Variants in USP34 observed in about 807,000 individuals in gnomAD.
USP34 encodes the protein ubiquitin specific peptidase 34, also known as ubiquitin carboxyl-terminal hydrolase 34.
A neutral mutation model predicts 460.3 loss-of-function variants in USP34; 70 were observed. That is an observed-to-expected ratio of 0.15 (90% CI 0.13 to 0.19). USP34 has a LOEUF of 0.19. Among genes scored for constraint, USP34 ranks in the 10% least tolerant of loss-of-function variants. The pLI, the probability that USP34 is intolerant of heterozygous loss-of-function variation, is 1.00. For missense variants in USP34, 3,985 were observed against 4,236.2 expected (o/e 0.94, Z 1.65); for synonymous variants, 1,647 against 1,405.3 (o/e 1.17, Z -3.85).
intron 35 of USP34, 100 bp from the exon 36 acceptor site, chr2:61,283,549 C>A (rs1406725642): frequency 1.5e-5 from 19 of 1,302,566 alleles, no homozygotes; most frequent in Non-Finnish European, 2.0e-5. Context: ...CACTTCCCCC[C>A]CAAAAAAGGA....
intron 24 of USP34, 27 bp downstream of exon 24, chr2:61,314,848 T>C (rs1450803986): frequency 6.2e-7 from 1 of 1,600,536 alleles, no homozygotes; most frequent in Admixed American, 1.8e-5. Context: ...AGAAATTACC[T>C]ATCAGACAAT....
At chr2:61,241,865 A>T in intron 51 of USP34, 46 bp from the exon 52 acceptor site, 1 of 976,154 alleles carries the variant, frequency 1.0e-6, no homozygotes, top group Non-Finnish European at 1.5e-6. Flanking sequence ...AAATGGGTAT[A>T]CTCAGCTATA....
chr2:61,412,333 T>G (rs1006870382), intron 2 of USP34, among the ~76,000 whole-genome samples: 1 of 151,766 alleles, frequency 6.6e-6, no homozygotes, highest in African/African-American at 2.4e-5. Context: ...ATATAAAATA[T>G]TACGTTACTG....
chr2:61,407,692 A>G (rs1693918911), intron 2 of USP34, among the ~76,000 whole-genome samples: 1 of 152,234 alleles, frequency 6.6e-6, no homozygotes, highest in Non-Finnish European at 1.5e-5. Context: ...TAGGTCATAA[A>G]AGACATTGTC....
chr2:61,246,446 G>A lies in USP34; in HGVS notation c.6426C>T (p.Asp2142=), dbSNP rs373274203. ...TCAAGTCATATTCATAGCTCTCTGA[G>A]TCTTTTGAATGATCACTGACTTCTT... ...GFKEVSDHSK[D]SESYEYDLIG... is the part of the protein sequence containing the mutation. Residue 2142 remains aspartate, a synonymous_variant, in exon 50 of 80, where the codon GAC becomes GAT. Coordinates refer to ENST00000398571, the MANE Select transcript of USP34 (RefSeq NM_014709.4). The A allele has an allele frequency of 1.9e-5, 31 of 1,592,918 alleles. No homozygotes were observed. Among genetic ancestry groups the A allele is most frequent in the Non-Finnish European group, 2.6e-5 (30 of 1,169,868 alleles).
At chr2:61,422,054 T>C (rs1391195840) in intron 1 of USP34, among the ~76,000 whole-genome samples, 7 of 152,218 alleles carry the variant, frequency 4.6e-5, no homozygotes, top group African/African-American at 1.7e-4. Context: ...GACCAGGCTT[T>C]TGGGACCTAG....
chr2:61,440,932 C>T (rs1469340653), intron 1 of USP34, among the ~76,000 whole-genome samples: 1 of 151,640 alleles, frequency 6.6e-6, no homozygotes, highest in Admixed American at 6.6e-5. Flanking sequence ...TCGAGACCAT[C>T]CTGGCTAACA....
Position 61,208,952 on chromosome 2 carries a change from C to A in USP34, c.8866G>T (p.Asp2956Tyr). 1 of 1,595,156 alleles carries A rather than the reference C, an allele frequency of 6.3e-7. No homozygotes were observed. Among genetic ancestry groups the A allele is most frequent in the South Asian group, 1.2e-5 (1 of 86,274 alleles). The change falls in exon 70 of 80, where the codon GAT (aspartate) becomes TAT (tyrosine). Residue 2956 changes from aspartate to tyrosine, a missense_variant. Around this residue, in one of 14 missense-constraint regions of USP34, gnomAD observed 275 missense variants for 292.7 expected, o/e 0.94. Coordinates refer to ENST00000398571, the MANE Select transcript of USP34 (RefSeq NM_014709.4). ...ISAFRILLESDEDRLLVVFNR... is the reference protein window; with the variant it reads ...ISAFRILLESYEDRLLVVFNR... The stretch of plus-strand genomic sequence containing the variant: ...AATACAACAAGAAGTCTGTCTTCAT[C>A]AGATTCTAATAGTATTCTGAAGGCA...
At chr2:61,447,334 T>C (rs75054499) in intron 1 of USP34, among the ~76,000 whole-genome samples, 4,484 of 151,210 alleles carry the variant, frequency 0.03, 103 homozygotes, top group Non-Finnish European at 0.045. Flanking sequence ...CTGTTAAGTA[T>C]TGGGCACCTT....
In USP34 at chr2:61,279,903, T is replaced by C. The variant is rs182836121; in HGVS notation, c.5256+341A>G. On this transcript the variant is annotated intron_variant, in intron 39 of 79. Coordinates refer to ENST00000398571, the MANE Select transcript of USP34 (RefSeq NM_014709.4). ...TGAACTGCAATTTTATTTTACGTAT[T>C]TGGGACTCCAAACTACATGCTATTA... 3.9e-5 allele frequency among the ~76,000 whole-genome samples: 6 copies of C among 152,364 alleles called. No individual in the cohort carries two copies. The East Asian group carries it at 1.2e-3, about 29-fold the overall frequency.
rs1458830836 is a variant in USP34 at position 61,223,156 on chromosome 2, G to T, written c.7653C>A (p.Pro2551=). The T allele has an allele frequency of 3.1e-6, 5 of 1,613,590 alleles. No homozygotes were observed. Among genetic ancestry groups the T allele is most frequent in the Non-Finnish European group, 4.2e-6 (5 of 1,179,766 alleles). The change falls in exon 64 of 80, where the codon CCC becomes CCA. Residue 2551 remains proline, a synonymous_variant. Coordinates refer to ENST00000398571, the MANE Select transcript of USP34 (RefSeq NM_014709.4). Reference sequence around the variant, plus strand: ...CATCACGAATATGTTGAAACAAGAAGGGAAATCCCTGTCAAAAGCAAAAGT... The same window carrying T: ...CATCACGAATATGTTGAAACAAGAATGGAAATCCCTGTCAAAAGCAAAAGT... ...MAALTGGKGF[P]FLFQHIRDGI...
intron 29 of USP34, among the ~76,000 whole-genome samples, chr2:61,298,462 T>C (rs1690107495): frequency 7.8e-6 from 1 of 127,680 alleles, no homozygotes; most frequent in East Asian, 2.5e-4. Context: ...GACTTGAACC[T>C]GGGAGGCGGA....
chr2:61,455,874 A>C (rs1695422963), intron 1 of USP34, among the ~76,000 whole-genome samples: 1 of 152,198 alleles, frequency 6.6e-6, no homozygotes, highest in Non-Finnish European at 1.5e-5. Flanking sequence ...TCCAAATAAG[A>C]AACAAGGCAT....
chr2:61,234,924 C>T (rs1235353799), intron 57 of USP34, among the ~76,000 whole-genome samples: 2 of 152,178 alleles, frequency 1.3e-5, no homozygotes, highest in African/African-American at 4.8e-5. Context: ...GCGTGAGCCA[C>T]CATGCACAGT....
intron 1 of USP34, among the ~76,000 whole-genome samples, chr2:61,427,042 G>GT (rs1425938099): frequency 1.3e-5 from 2 of 152,110 alleles, no homozygotes; most frequent in Non-Finnish European, 2.9e-5. Context: ...CAATACCCAA[G>GT]TTTTTTTCTT....
At chr2:61,269,418 G>A (rs939534949) in intron 41 of USP34, among the ~76,000 whole-genome samples, 18 of 150,060 alleles carry the variant, frequency 1.2e-4, no homozygotes, top group African/African-American at 3.9e-4. Context: ...CTTTTGCCTC[G>A]ACCTTACAAA....
intron 10 of USP34, among the ~76,000 whole-genome samples, chr2:61,351,506 C>T (rs187489555): frequency 6.6e-6 from 1 of 151,966 alleles, no homozygotes; most frequent in Non-Finnish European, 1.5e-5. Context: ...ACTACTAAAT[C>T]AAGATAGGGT....
At chr2:61,432,788 T>G (rs578231934) in intron 1 of USP34, among the ~76,000 whole-genome samples, 6 of 151,330 alleles carry the variant, frequency 4.0e-5, no homozygotes, top group African/African-American at 9.7e-5. Context: ...GATGGGTACA[T>G]AAGTGTTCAC....
chr2:61,359,122 G>T (rs148820906), intron 10 of USP34, among the ~76,000 whole-genome samples: 1 of 152,140 alleles, frequency 6.6e-6, no homozygotes, highest in Admixed American at 6.5e-5. Flanking sequence ...AATTGCAAGG[G>T]ACTGTAAATA....
Sources: allele counts gnomAD v4.1 joint callset (sites outside exome capture counted in the v4.1 genomes callset), GRCh38; gene constraint gnomAD v4.1.1; regional missense constraint gnomAD v4.1.1; transcripts MANE v1.5; gene names NCBI Gene and HGNC (gene_info 2026-07-23, HGNC 2026-07-21).